Variants in OPCML observed in about 807,000 individuals in gnomAD.
The protein encoded by OPCML is opioid binding protein/cell adhesion molecule like, also known as opioid-binding protein/cell adhesion molecule.
OPCML carries 13 observed loss-of-function variants against 37.8 expected under a neutral mutation model. That is an observed-to-expected ratio of 0.34 (90% CI 0.22 to 0.55). The LOEUF is 0.55. Among genes scored for constraint, OPCML ranks in the 20% least tolerant of loss-of-function variants. OPCML has a pLI of 0.91. For missense variants in OPCML, 341 were observed against 435.6 expected, an observed-to-expected ratio of 0.78 and a Z score of 1.93; for synonymous variants, 176 against 168.8, an observed-to-expected ratio of 1.04 and a Z score of -0.33.
intron 4 of OPCML, among the ~76,000 whole-genome samples, chr11:132,515,403 A>G (rs1386828904): frequency 2.0e-5 from 3 of 152,246 alleles, no homozygotes; most frequent in Non-Finnish European, 4.4e-5. Context: ...TAGGGTAGGG[A>G]GAGTTGGGCT....
In OPCML at chr11:132,420,216, C is replaced by T; in HGVS notation, c.994G>A (p.Ala332Thr). The change falls in exon 8 of 8, where the codon GCC becomes ACC. Residue 332 changes from alanine to threonine, a missense_variant. Physicochemically the swap from Ala to Thr is moderately conservative, Grantham distance 58 (BLOSUM62 0). Transcript: ENST00000524381. ...TATCAAAACTTGATGAAGAAGTGGG[C>T]TAAGAGGGTCCCTGATAGCCAGAGA... ...ACLWLSGTLL[A>T]HFFIKF 1.2e-6 allele frequency: 2 copies of T among 1,613,840 alleles called. No individual in the cohort carries two copies. Among genetic ancestry groups the T allele is most frequent in the South Asian group, 1.1e-5 (1 of 91,068 alleles).
chr11:133,363,669 G>C (rs529867667), intron 1 of OPCML, among the ~76,000 whole-genome samples: 1 of 152,194 alleles, frequency 6.6e-6, no homozygotes, highest in African/African-American at 2.4e-5. Flanking sequence ...AAGCAGGTGA[G>C]CTGTGAAAGG....
intron 1 of OPCML, among the ~76,000 whole-genome samples, chr11:133,033,950 T>A (rs1031489858): frequency 6.6e-6 from 1 of 152,246 alleles, no homozygotes; most frequent in African/African-American, 2.4e-5. Context: ...AAATGCAGGA[T>A]GGCCAAATCC....
intron 2 of OPCML, among the ~76,000 whole-genome samples, chr11:132,834,574 T>A (rs1940901513): frequency 6.6e-6 from 1 of 152,320 alleles, no homozygotes; most frequent in Admixed American, 6.5e-5. Context: ...GCAGCACAGT[T>A]CTAATATCTG....
chr11:133,396,144 T>C (rs1945281545), intron 1 of OPCML, among the ~76,000 whole-genome samples: 1 of 148,304 alleles, frequency 6.7e-6, no homozygotes, highest in Non-Finnish European at 1.5e-5. Context: ...GTGGCTACTA[T>C]AAATAGGATT....
At chr11:133,128,946 A>AG (rs1949562228) in intron 1 of OPCML, among the ~76,000 whole-genome samples, 3 of 152,126 alleles carry the variant, frequency 2.0e-5, no homozygotes, top group African/African-American at 7.2e-5. Context: ...CAATAAAAAA[A>AG]CACACAGAAT....
chr11:133,528,244 T>G (rs781312484), intron 1 of OPCML, among the ~76,000 whole-genome samples: 12 of 152,222 alleles, frequency 7.9e-5, no homozygotes, highest in Non-Finnish European at 1.5e-4. Flanking sequence ...CACCTGCTAT[T>G]GCCACTGGGC....
At chr11:132,714,488 A>G (rs1591504558) in intron 2 of OPCML, among the ~76,000 whole-genome samples, 2 of 152,354 alleles carry the variant, frequency 1.3e-5, no homozygotes, top group East Asian at 3.9e-4. Flanking sequence ...GGACGGAGTG[A>G]GGAACCTGCA....
intron 1 of OPCML, among the ~76,000 whole-genome samples, chr11:133,456,477 A>T (rs900033896): frequency 1.8e-5 from 2 of 112,828 alleles, no homozygotes; most frequent in East Asian, 2.8e-4. Flanking sequence ...CACAAGACAT[A>T]AAAAAAAAAT....
chr11:133,277,465 G>A (rs990715098), intron 1 of OPCML, among the ~76,000 whole-genome samples: 3 of 152,028 alleles, frequency 2.0e-5, no homozygotes, highest in South Asian at 4.2e-4. Flanking sequence ...TAGGCATTTG[G>A]GTTTCTTCCA....
chr11:133,204,998 G>A (rs1331200939), intron 1 of OPCML, among the ~76,000 whole-genome samples: 3 of 150,536 alleles, frequency 2.0e-5, no homozygotes, highest in Non-Finnish European at 4.4e-5. Context: ...GTGTCTTCTT[G>A]CAGGCTAATG....
Position 132,943,712 on chromosome 11 carries a change from C to G in OPCML, c.62-702G>C, listed in dbSNP as rs1293001703. The G allele has an allele frequency of 6.6e-6, 1 of 151,732 alleles. No individual in the cohort carries two copies. Among genetic ancestry groups the G allele is most frequent in the Admixed American group, 6.6e-5 (1 of 15,236 alleles). The allele number at this position is 151,732 out of a possible 1,614,324, so 9.4% of individuals were successfully genotyped here. On this transcript the variant is annotated intron_variant, in intron 1 of 7. Transcript: ENST00000524381. This position sits in a 1 kb window ranked among gnomAD's most constrained non-coding sequence, Gnocchi z 4.3. The stretch of plus-strand genomic sequence containing the variant: ...CAGCCAGGGTCGTCCGGTCGGTGGC[C>G]GTCCTCTGCAGCCCGGTCGGCGACT...
At chr11:133,025,534 G>A in intron 1 of OPCML, 1 of 917,092 alleles carries the variant, frequency 1.1e-6, no homozygotes, top group Non-Finnish European at 1.3e-6. Flanking sequence ...TGAAAGCAAA[G>A]CTGAAAATTT....
intron 1 of OPCML, among the ~76,000 whole-genome samples, chr11:133,261,669 C>T (rs553564642): frequency 6.6e-6 from 1 of 152,336 alleles, no homozygotes; most frequent in Admixed American, 6.5e-5. Flanking sequence ...TATAAAGGAA[C>T]AGCGCATAGT....
chr11:133,391,857 A>G (rs1945180976), intron 1 of OPCML, among the ~76,000 whole-genome samples: 1 of 152,194 alleles, frequency 6.6e-6, no homozygotes, highest in Non-Finnish European at 1.5e-5. Flanking sequence ...TTCTCTCATT[A>G]CCAGATTAAG....
intron 1 of OPCML, among the ~76,000 whole-genome samples, chr11:133,416,579 T>C (rs1945771080): frequency 1.3e-5 from 2 of 152,234 alleles, no homozygotes; most frequent in African/African-American, 4.8e-5. Context: ...CTTGTTCATC[T>C]GACATCTGAC....
intron 1 of OPCML, among the ~76,000 whole-genome samples, chr11:133,027,223 G>C (rs1947570818): frequency 6.6e-6 from 1 of 152,186 alleles, no homozygotes; most frequent in Admixed American, 6.5e-5. Flanking sequence ...AAACTGAGAT[G>C]GTTGGTTACC....
chr11:132,727,121 C>T (rs889209213), intron 2 of OPCML, among the ~76,000 whole-genome samples: 5 of 152,132 alleles, frequency 3.3e-5, no homozygotes, highest in African/African-American at 4.8e-5. Flanking sequence ...ACTATATATA[C>T]GCATCAATCA....
chr11:132,852,445 T>A (rs1941851776), intron 2 of OPCML, among the ~76,000 whole-genome samples: 1 of 152,142 alleles, frequency 6.6e-6, no homozygotes. Context: ...GTTCTCAGAA[T>A]AATCCTAAGA....
Sources: allele counts gnomAD v4.1 joint callset (sites outside exome capture counted in the v4.1 genomes callset), GRCh38; gene constraint gnomAD v4.1.1; non-coding constraint Gnocchi (gnomAD v3.1); transcripts MANE v1.5; gene names NCBI Gene and HGNC (gene_info 2026-07-23, HGNC 2026-07-21).